The following XXYLT1 variants were observed in gnomAD, a reference collection of about 807,000 sequenced individuals.
The protein encoded by XXYLT1 is UDP-xylose:alpha-xyloside alpha-1,3-xylosyltransferase.
XXYLT1 carries 20 observed loss-of-function variants against 28.9 expected under a neutral mutation model. That is an observed-to-expected ratio of 0.69 (90% CI 0.49 to 1.00). XXYLT1 has a LOEUF of 1.00. XXYLT1 is among the 50% of genes least tolerant of loss of function. The pLI is 0.00. For synonymous variants in XXYLT1, 257 were observed against 253.8 expected, an observed-to-expected ratio of 1.01 and a Z score of -0.12; for missense variants, 542 against 560.1, an observed-to-expected ratio of 0.97 and a Z score of 0.33.
chr3:195,143,885 T>C (rs554876727), intron 3 of XXYLT1, among the ~76,000 whole-genome samples: 1 of 130,976 alleles, frequency 7.6e-6, no homozygotes, highest in Non-Finnish European at 1.6e-5. Context: ...TATATATATA[T>C]ATATTTATTT....
chr3:195,111,240 A>C (rs1717697353), intron 3 of XXYLT1, among the ~76,000 whole-genome samples: 1 of 151,952 alleles, frequency 6.6e-6, no homozygotes, highest in Non-Finnish European at 1.5e-5. Flanking sequence ...TCTGTGCCCA[A>C]ATTCCTCTTT....
rs776709655 is a variant in XXYLT1 at position 195,150,019 on chromosome 3, A to T, written c.785+6430T>A. ...TAAGATGCTGAGAAGCCAAAAGATG[A>T]GCAATAATTTTGCTAAGTTGTCAGC... On this transcript the variant is annotated intron_variant, in intron 3 of 3. Coordinates refer to ENST00000310380, the MANE Select transcript of XXYLT1 (RefSeq NM_152531.5). The surrounding 1 kb of genome is among the most constrained non-coding windows in gnomAD (Gnocchi z 4.7). Among the ~76,000 whole-genome samples, 1 of 152,174 alleles carries T rather than the reference A, an allele frequency of 6.6e-6. No homozygotes were observed. Among genetic ancestry groups the T allele is most frequent in the Non-Finnish European group, 1.5e-5 (1 of 68,016 alleles).
intron 1 of XXYLT1, among the ~76,000 whole-genome samples, chr3:195,243,275 G>A (rs980324924): frequency 6.6e-6 from 1 of 151,300 alleles, no homozygotes; most frequent in Non-Finnish European, 1.5e-5. Context: ...CGAGTTAATG[G>A]GTGCAGCACA....
chr3:195,075,512 C>T (rs1431889800), intron 3 of XXYLT1, among the ~76,000 whole-genome samples: 6 of 152,248 alleles, frequency 3.9e-5, no homozygotes, highest in Non-Finnish European at 8.8e-5. Context: ...GAACTGCTGC[C>T]TCCCACCTAC....
In XXYLT1 at chr3:195,195,901, G is replaced by T. The variant is rs1229353624; in HGVS notation, c.652+30808C>A. ...GCCTGAGCCTGGTCAGGACCTCCAAGTCACAGTCCCTCTTTCTCCTCACTG... is the reference window on the plus strand; with the variant it reads ...GCCTGAGCCTGGTCAGGACCTCCAATTCACAGTCCCTCTTTCTCCTCACTG... On this transcript the variant is annotated intron_variant, in intron 2 of 3. Transcript: ENST00000310380. The surrounding 1 kb of genome is among the most constrained non-coding windows in gnomAD (Gnocchi z 4.4). Among the ~76,000 whole-genome samples the T allele has an allele frequency of 1.3e-5, 2 of 152,192 alleles. No homozygotes were observed. The highest frequency in any genetic ancestry group is 2.9e-5 in the Non-Finnish European group (2 of 68,024).
At chr3:195,244,117 C>T (rs1446107753) in intron 1 of XXYLT1, among the ~76,000 whole-genome samples, 6 of 152,186 alleles carry the variant, frequency 3.9e-5, no homozygotes, top group Admixed American at 1.3e-4. Flanking sequence ...CTGCAATGAA[C>T]GTTCTAGGAC....
In XXYLT1 at chr3:195,210,733, A is replaced by G. The variant is rs1265315727; in HGVS notation, c.652+15976T>C. On this transcript the variant is annotated intron_variant, in intron 2 of 3. Transcript: ENST00000310380. This position sits in a 1 kb window ranked among gnomAD's most constrained non-coding sequence, Gnocchi z 4.8. ...GAATAAGAGAACCGAAATGCCTCAA[A>G]TTTGCTCCATAAGAGCTGCCAGAAA... Among the ~76,000 whole-genome samples the G allele has an allele frequency of 6.6e-6, 1 of 152,210 alleles. No individual in the cohort carries two copies. Among genetic ancestry groups the G allele is most frequent in the African/African-American group, 2.4e-5 (1 of 41,458 alleles).
intron 3 of XXYLT1, among the ~76,000 whole-genome samples, chr3:195,109,862 GT>G (rs1717412022): frequency 1.3e-5 from 1 of 75,580 alleles, no homozygotes; most frequent in African/African-American, 3.8e-5. Flanking sequence ...GTGCCTGTGT[GT>G]GTGGTGTATG....
chr3:195,096,422 C>T (rs1300686977), intron 3 of XXYLT1, among the ~76,000 whole-genome samples: 2 of 152,222 alleles, frequency 1.3e-5, no homozygotes, highest in Admixed American at 6.5e-5. Flanking sequence ...CGTATATATA[C>T]ACGACCATGC....
intron 3 of XXYLT1, among the ~76,000 whole-genome samples, chr3:195,143,382 C>A (rs891608694): frequency 6.6e-6 from 1 of 152,098 alleles, no homozygotes; most frequent in Non-Finnish European, 1.5e-5. Context: ...GGTTTTTTGG[C>A]CAGCAGATTG....
chr3:195,113,038 T>C (rs1204394621), intron 3 of XXYLT1, among the ~76,000 whole-genome samples: 1 of 152,260 alleles, frequency 6.6e-6, no homozygotes, highest in Non-Finnish European at 1.5e-5. Context: ...TGCTCTTCTT[T>C]GAGCTTCAGC....
chr3:195,117,062 C>A (rs1055301041), intron 3 of XXYLT1, among the ~76,000 whole-genome samples: 1 of 151,438 alleles, frequency 6.6e-6, no homozygotes, highest in African/African-American at 2.4e-5. Context: ...GTGAGAATTG[C>A]TGTAGTTTAT....
chr3:195,238,950 G>A (rs1724667363), intron 1 of XXYLT1, among the ~76,000 whole-genome samples: 2 of 152,182 alleles, frequency 1.3e-5, no homozygotes, highest in Non-Finnish European at 2.9e-5. Flanking sequence ...AACTAAGGGA[G>A]ATGAAGAGCT....
At chr3:195,127,816 A>G (rs1718713235) in intron 3 of XXYLT1, among the ~76,000 whole-genome samples, 1 of 151,886 alleles carries the variant, frequency 6.6e-6, no homozygotes, top group African/African-American at 2.4e-5. Context: ...AACGCCATGT[A>G]GAAAGAGGAA....
At chr3:195,252,176 T>C (rs1167594951) in intron 1 of XXYLT1, among the ~76,000 whole-genome samples, 1 of 152,244 alleles carries the variant, frequency 6.6e-6, no homozygotes. Context: ...GTAATACATA[T>C]ATATTTTATG....
chr3:195,086,508 G>A (rs558192107), intron 3 of XXYLT1, among the ~76,000 whole-genome samples: 52 of 152,334 alleles, frequency 3.4e-4, no homozygotes, highest in Non-Finnish European at 5.7e-4. Flanking sequence ...AACAAACACA[G>A]TGGTTAGGGG....
At chr3:195,070,155 C>A in intron 3 of XXYLT1, 44 bp from the exon 4 acceptor site, 2 of 1,503,058 alleles carry the variant, frequency 1.3e-6, no homozygotes, top group Non-Finnish European at 1.8e-6. Flanking sequence ...GCAGGGGAAC[C>A]AGCCTGCCGG....
chr3:195,111,962 C>T lies in XXYLT1; in HGVS notation c.786-41851G>A, dbSNP rs558078299. On this transcript the variant is annotated intron_variant, in intron 3 of 3. Transcript: ENST00000310380. ...GTGCCTGCTCTACATGCAAAGTGAA[C>T]ATCCTGATTGCCTGTAAATGCCTCA... Among the ~76,000 whole-genome samples, 8 of 152,334 alleles carry T rather than the reference C, an allele frequency of 5.3e-5. No homozygotes were observed. The South Asian group carries it at 1.7e-3, about 32-fold the overall frequency.
chr3:195,246,959 G>A (rs906830986), intron 1 of XXYLT1, among the ~76,000 whole-genome samples: 3 of 152,078 alleles, frequency 2.0e-5, no homozygotes, highest in African/African-American at 7.2e-5. Flanking sequence ...ACAAATGCAC[G>A]GAGTCACTCA....
Sources: allele counts gnomAD v4.1 joint callset (sites outside exome capture counted in the v4.1 genomes callset), GRCh38; gene constraint gnomAD v4.1.1; non-coding constraint Gnocchi (gnomAD v3.1); transcripts MANE v1.5; gene names NCBI Gene and HGNC (gene_info 2026-07-23, HGNC 2026-07-21).